NLN: variants seen among roughly 807,000 people sequenced by gnomAD.
NLN encodes neurolysin, mitochondrial.
A neutral mutation model predicts 79.9 loss-of-function variants in NLN; 64 were observed. That is an observed-to-expected ratio of 0.80 (90% CI 0.65 to 0.99). The LOEUF is 0.99. Ranked by LOEUF, NLN falls within the 50% of genes least tolerant of loss-of-function variation. NLN has a pLI of 0.00. For missense variants in NLN, 835 were observed against 858.7 expected (o/e 0.97, Z 0.34); for synonymous variants, 267 against 296.6 (o/e 0.90, Z 1.02).
intron 6 of NLN, among the ~76,000 whole-genome samples, chr5:65,784,223 A>G (rs1561200396): frequency 6.6e-6 from 1 of 152,096 alleles, no homozygotes; most frequent in African/African-American, 2.4e-5. Flanking sequence ...TTACTTTAAC[A>G]TTTACTTACT....
intron 2 of NLN, among the ~76,000 whole-genome samples, chr5:65,761,541 C>T (rs1419970826): frequency 1.3e-5 from 2 of 152,150 alleles, no homozygotes; most frequent in Non-Finnish European, 2.9e-5. Flanking sequence ...ATCCACCTGC[C>T]TCAGCCTCCC....
At position 65,738,971 on chromosome 5, in the gene NLN, A is replaced by T. The variant is rs1341371629; in HGVS notation, c.41+16557A>T. ...TATGTTTATATATATGTATATATAA[A>T]TATATATATTATATATTTATATATA... On this transcript the variant is annotated intron_variant, in intron 1 of 12. Transcript: ENST00000380985. Among the ~76,000 whole-genome samples the T allele has an allele frequency of 9.5e-3, 279 of 29,306 alleles. 1 individual carries two copies. Among genetic ancestry groups the T allele is most frequent in the African/African-American group, 0.047 (259 of 5,502 alleles). The allele number at this position is 29,306 out of a possible 152,430, so 19.2% of individuals were successfully genotyped here.
chr5:65,775,556 T>C (rs12153619), intron 3 of NLN, among the ~76,000 whole-genome samples: 5,123 of 152,292 alleles, frequency 0.034, 125 homozygotes, highest in Non-Finnish European at 0.053. Context: ...GCTCTACAGC[T>C]TGCAGTATCA....
chr5:65,823,181 A>G lies in NLN; in HGVS notation c.*266A>G. ...TTTATGAAAGTTTCATATGAATGTA[A>G]CTTGATTTTTTACTATTATAATCTA... On this transcript the variant is annotated 3_prime_UTR_variant, in exon 13 of 13. Coordinates refer to ENST00000380985, the MANE Select transcript of NLN (RefSeq NM_020726.5). 2.9e-6 allele frequency: 1 copy of G among 339,778 alleles called. No individual in the cohort carries two copies. The highest frequency in any genetic ancestry group is 5.3e-6 in the Non-Finnish European group (1 of 186,944). 21.0% of individuals were successfully genotyped at this position (339,778 alleles called of 1,614,324 possible). A position where few individuals can be genotyped will look rare whatever the true frequency, so the allele number is the denominator to read the frequency against.
At chr5:65,774,108 G>A (rs1759629700) in intron 3 of NLN, among the ~76,000 whole-genome samples, 1 of 148,956 alleles carries the variant, frequency 6.7e-6, no homozygotes, top group Admixed American at 6.7e-5. Flanking sequence ...ATGATCTTGG[G>A]AAAATCATTT....
Position 65,733,666 on chromosome 5 carries a change from A to T in NLN, c.41+11252A>T. 1.6e-6 allele frequency: 2 copies of T among 1,272,346 alleles called. 1 individual carries two copies. Among genetic ancestry groups the T allele is most frequent in the Non-Finnish European group, 2.2e-6 (2 of 899,804 alleles). The allele number at this position is 1,272,346 out of a possible 1,614,324, so 78.8% of individuals were successfully genotyped here. ...CATCTTTGCTCTTAGGGAAGGCCTGATTAGTGGGATGGATACGCTTTCTTC... is the reference window on the plus strand; with the variant it reads ...CATCTTTGCTCTTAGGGAAGGCCTGTTTAGTGGGATGGATACGCTTTCTTC... On this transcript the variant is annotated intron_variant, in intron 1 of 12. Coordinates refer to ENST00000380985, the MANE Select transcript of NLN (RefSeq NM_020726.5).
chr5:65,748,863 T>G (rs1303754103), intron 1 of NLN, among the ~76,000 whole-genome samples: 4 of 152,174 alleles, frequency 2.6e-5, no homozygotes, highest in Admixed American at 6.5e-5. Flanking sequence ...GGGACTGATA[T>G]GGTTTGGCTG....
chr5:65,792,374 A>G (rs1760079335), intron 8 of NLN, 80 bp from the exon 9 acceptor site: 5 of 818,138 alleles, frequency 6.1e-6, no homozygotes, highest in Admixed American at 4.3e-5. Flanking sequence ...GATATGGCTT[A>G]ATGACTGGAA....
At chr5:65,750,731 GAA>G (rs1752967576) in intron 1 of NLN, among the ~76,000 whole-genome samples, 1 of 151,488 alleles carries the variant, frequency 6.6e-6, no homozygotes, top group Non-Finnish European at 1.5e-5. Flanking sequence ...AAAGTAAAGA[GAA>G]AGAGAGAGAG....
At chr5:65,792,193 G>A (rs1162208047) in intron 8 of NLN, among the ~76,000 whole-genome samples, 1 of 152,152 alleles carries the variant, frequency 6.6e-6, no homozygotes, top group Non-Finnish European at 1.5e-5. Flanking sequence ...TCAGCTGTCG[G>A]TGTGACATGC....
chr5:65,822,077 G>C (rs573396454), intron 12 of NLN, among the ~76,000 whole-genome samples: 1 of 152,206 alleles, frequency 6.6e-6, no homozygotes, highest in South Asian at 2.1e-4. Context: ...TGAAAGGGAA[G>C]TGAAAATATT....
intron 1 of NLN, among the ~76,000 whole-genome samples, chr5:65,757,933 T>C (rs1759256859): frequency 6.6e-6 from 1 of 152,026 alleles, no homozygotes; most frequent in Non-Finnish European, 1.5e-5. Context: ...GGAAAAATAT[T>C]AAAATAAAAA....
At chr5:65,799,523 T>C (rs549597129) in intron 9 of NLN, among the ~76,000 whole-genome samples, 3 of 152,346 alleles carry the variant, frequency 2.0e-5, no homozygotes, top group African/African-American at 7.2e-5. Flanking sequence ...GGACATCCTC[T>C]ACTTTCTGTG....
chr5:65,732,661 C>A (rs1413507166), intron 1 of NLN, among the ~76,000 whole-genome samples: 2 of 143,798 alleles, frequency 1.4e-5, no homozygotes, highest in African/African-American at 5.2e-5. Flanking sequence ...CGTCAGGGAA[C>A]CTTTGCAGAC....
chr5:65,724,273 A>C (rs1758406625), intron 1 of NLN, among the ~76,000 whole-genome samples: 1 of 151,944 alleles, frequency 6.6e-6, no homozygotes, highest in Non-Finnish European at 1.5e-5. Flanking sequence ...TTCCTCCCCC[A>C]ATCCCTGGTT....
At chr5:65,800,715 C>T (rs1760268599) in intron 9 of NLN, among the ~76,000 whole-genome samples, 1 of 125,550 alleles carries the variant, frequency 8.0e-6, no homozygotes. Flanking sequence ...GGCAGGGTCT[C>T]ACTCTGTTGC....
At chr5:65,757,023 A>G (rs1759234362) in intron 1 of NLN, among the ~76,000 whole-genome samples, 1 of 152,196 alleles carries the variant, frequency 6.6e-6, no homozygotes, top group Non-Finnish European at 1.5e-5. Context: ...CTCTTTGCTT[A>G]CACTTGTCAT....
chr5:65,772,263 T>C (rs1759585508), intron 3 of NLN, among the ~76,000 whole-genome samples: 1 of 152,246 alleles, frequency 6.6e-6, no homozygotes, highest in South Asian at 2.1e-4. Context: ...TTTCTTTTCC[T>C]TCATGTGACT....
At chr5:65,724,563 G>C (rs1758414614) in intron 1 of NLN, among the ~76,000 whole-genome samples, 1 of 152,122 alleles carries the variant, frequency 6.6e-6, no homozygotes, top group African/African-American at 2.4e-5. Flanking sequence ...GCACATGTCT[G>C]TTTGAATCCC....
Sources: gnomAD v4.1 joint callset for allele counts (sites outside exome capture counted in the v4.1 genomes callset) on GRCh38, gnomAD v4.1.1 for gene constraint, MANE v1.5 for transcripts, NCBI Gene and HGNC (gene_info 2026-07-23, HGNC 2026-07-21) for gene names.